Variants in KLHL32 observed in about 807,000 individuals in gnomAD.
KLHL32 encodes kelch-like protein 32.
In KLHL32, 35 loss-of-function variants were observed where a neutral mutation model predicts 64.8. The observed-to-expected ratio is 0.54, with a 90% CI of 0.41 to 0.72. The LOEUF (loss-of-function observed/expected upper bound fraction) is 0.72. Among genes scored for constraint, KLHL32 ranks in the 30% least tolerant of loss-of-function variants. The pLI is 0.00. For synonymous variants in KLHL32, 259 were observed against 281.0 expected (o/e 0.92, Z 0.78); for missense variants, 589 against 768.5 (o/e 0.77, Z 2.76).
chr6:97,016,844 A>G (rs934250182), intron 3 of KLHL32, among the ~76,000 whole-genome samples: 2 of 152,164 alleles, frequency 1.3e-5, no homozygotes, highest in Admixed American at 6.5e-5. Context: ...TGATGTTCTC[A>G]TGATAATGAG....
intron 1 of KLHL32, among the ~76,000 whole-genome samples, chr6:96,959,794 T>C (rs1317319908): frequency 4.6e-5 from 7 of 152,198 alleles, no homozygotes; most frequent in Non-Finnish European, 1.0e-4. Flanking sequence ...TTGAATCATC[T>C]TCAGAACAAT....
At chr6:97,040,786 C>T (rs1316954911) in intron 3 of KLHL32, among the ~76,000 whole-genome samples, 1 of 152,196 alleles carries the variant, frequency 6.6e-6, no homozygotes, top group Admixed American at 6.5e-5. Context: ...TTCCCCCATG[C>T]TGTTCTCATG....
At chr6:96,934,441 G>C (rs2206567) in intron 1 of KLHL32, among the ~76,000 whole-genome samples, 108,935 of 151,752 alleles carry the variant, frequency 0.72, 39,256 homozygotes, top group South Asian at 0.78. Flanking sequence ...TCTTGTCATT[G>C]ACACTTAACA....
intron 5 of KLHL32, among the ~76,000 whole-genome samples, chr6:97,070,737 C>A (rs773818592): frequency 1.2e-4 from 18 of 152,128 alleles, no homozygotes; most frequent in Admixed American, 1.0e-3. Context: ...AAATCACTTT[C>A]AGTATGCATT....
In KLHL32 at chr6:97,041,546, G is replaced by T; in HGVS notation, c.259G>T (p.Gly87Cys). 1 of 1,613,854 alleles carries T rather than the reference G, an allele frequency of 6.2e-7. No homozygotes were observed. Among genetic ancestry groups the T allele is most frequent in the Non-Finnish European group, 8.5e-7 (1 of 1,179,824 alleles). Reference protein sequence around the residue: ...ESGADEVNLHGVTSLGLKQAL... With the variant: ...ESGADEVNLHCVTSLGLKQAL... ...TGGAGCTGATGAGGTTAATTTGCAC[G>T]GTGTGACCAGCCTTGGCTTAAAGCA... Residue 87 changes from glycine to cysteine, a missense_variant, in exon 4 of 11, where the codon GGT (glycine) becomes TGT (cysteine). This residue lies in a region of KLHL32 where 191 missense variants were observed against 223.3 expected (regional missense o/e 0.86). Coordinates refer to ENST00000369261, the MANE Select transcript of KLHL32 (RefSeq NM_052904.4).
At chr6:97,007,445 T>C (rs1157894734) in intron 3 of KLHL32, among the ~76,000 whole-genome samples, 34 of 152,224 alleles carry the variant, frequency 2.2e-4, no homozygotes, top group Admixed American at 2.2e-3. Context: ...TGAATATGGA[T>C]GATCTTTGTT....
chr6:97,052,175 A>G (rs1787025821), intron 4 of KLHL32, among the ~76,000 whole-genome samples: 1 of 152,222 alleles, frequency 6.6e-6, no homozygotes, highest in South Asian at 2.1e-4. Context: ...ATGCTGGGGT[A>G]CAACCCTTCC....
At chr6:97,072,993 A>T (rs376467895) in intron 5 of KLHL32, among the ~76,000 whole-genome samples, 1 of 152,168 alleles carries the variant, frequency 6.6e-6, no homozygotes, top group Non-Finnish European at 1.5e-5. Flanking sequence ...CCTTTTAGGG[A>T]TGTTGAAGGA....
chr6:96,966,880 A>G (rs11753834), intron 1 of KLHL32, 116 bp from the exon 2 acceptor site: 109,444 of 564,886 alleles, frequency 0.19, 12,380 homozygotes, highest in African/African-American at 0.37. Flanking sequence ...TTATGTGGAC[A>G]GTAAAGCTCT....
chr6:96,954,306 C>A (rs1772988200), intron 1 of KLHL32, among the ~76,000 whole-genome samples: 1 of 133,424 alleles, frequency 7.5e-6, no homozygotes, highest in East Asian at 2.1e-4. Flanking sequence ...AGTTTTCTTT[C>A]CTTCAATTTT....
Position 97,124,545 on chromosome 6 carries a change from A to G in KLHL32, c.1355-2859A>G, listed in dbSNP as rs536081218. On this transcript the variant is annotated intron_variant, in intron 7 of 10. Coordinates refer to ENST00000369261, the MANE Select transcript of KLHL32 (RefSeq NM_052904.4). ...AATCCATTGGTTGTATGTTTAATCT[A>G]TAATGGGCAGAGTCTGATACATACA... is the stretch of plus-strand genomic sequence containing the variant. 1.1e-4 allele frequency among the ~76,000 whole-genome samples: 16 copies of G among 152,330 alleles called. No individual in the cohort carries two copies. The South Asian group carries it at 3.3e-3, about 32-fold the overall frequency.
rs181622257 is a variant in KLHL32, at chr6:96,986,216, G to T, written c.204+10039G>T. ...TTGGTGAACAGCAGATGTTGCTGCC[G>T]GATCGTTCCTCTGGAATTTTTGTCT... On this transcript the variant is annotated intron_variant, in intron 3 of 10. Coordinates refer to ENST00000369261, the MANE Select transcript of KLHL32 (RefSeq NM_052904.4). Among the ~76,000 whole-genome samples the T allele has an allele frequency of 8.2e-3, 1,247 of 152,232 alleles. 6 individuals carry two copies. The highest frequency in any genetic ancestry group is 0.012 in the Non-Finnish European group (827 of 68,006).
chr6:97,139,084 C>T (rs570671549), intron 10 of KLHL32, 37 bp from the exon 11 acceptor site: 6 of 1,580,882 alleles, frequency 3.8e-6, no homozygotes, highest in Non-Finnish European at 5.1e-6. Context: ...GAGCAGTCAT[C>T]TTTGATACAC....
chr6:97,134,824 C>T (rs750277275), intron 10 of KLHL32, among the ~76,000 whole-genome samples: 1 of 151,988 alleles, frequency 6.6e-6, no homozygotes, highest in African/African-American at 2.4e-5. Context: ...TGTTAACAGT[C>T]GTGAATGTTA....
intron 3 of KLHL32, among the ~76,000 whole-genome samples, chr6:96,983,698 G>A (rs577493963): frequency 4.6e-5 from 7 of 152,278 alleles, no homozygotes; most frequent in African/African-American, 1.7e-4. Flanking sequence ...TCTGATGGTA[G>A]TTTGTATTTC....
intron 3 of KLHL32, among the ~76,000 whole-genome samples, chr6:97,040,900 C>T (rs1009853835): frequency 2.0e-5 from 3 of 152,304 alleles, no homozygotes; most frequent in Non-Finnish European, 2.9e-5. Context: ...TGCCTTGCTT[C>T]GCCTTCACCT....
In KLHL32 at chr6:96,938,234, G is replaced by A. The variant is rs568265472; in HGVS notation, c.-66+13208G>A. Among the ~76,000 whole-genome samples the A allele has an allele frequency of 1.4e-4, 21 of 152,258 alleles. 1 individual carries two copies. In the South Asian group the frequency reaches 3.9e-3, roughly 29 times the overall value. On this transcript the variant is annotated intron_variant, in intron 1 of 10. Transcript: ENST00000369261. ...TTACCAAGGGTGTCTCTGGCCACCA[G>A]AGTAGTGAAGTTATAGTTACAAGAT... is the stretch of plus-strand genomic sequence containing the variant.
intron 5 of KLHL32, among the ~76,000 whole-genome samples, chr6:97,078,672 TCTCAGAACTA>T (rs1288479797): frequency 6.6e-6 from 1 of 152,192 alleles, no homozygotes; most frequent in Non-Finnish European, 1.5e-5. Flanking sequence ...TCAGTGGCAT[TCTCAGAACTA>T]GATGAGACAG....
Position 97,103,799 on chromosome 6 carries a change from A to T in KLHL32, c.628-9984A>T, listed in dbSNP as rs564969011. ...AATGTCACCTTGTTTTTCTGAAAAG[A>T]GATTTATCAAAACTCTCTGTGCTAC... On this transcript the variant is annotated intron_variant, in intron 6 of 10. Transcript: ENST00000369261. Among the ~76,000 whole-genome samples the T allele has an allele frequency of 2.0e-5, 3 of 152,306 alleles. No homozygotes were observed. The South Asian group carries it at 6.2e-4, about 32-fold the overall frequency.
Sources: allele counts gnomAD v4.1 joint callset (sites outside exome capture counted in the v4.1 genomes callset), GRCh38; gene constraint gnomAD v4.1.1; regional missense constraint gnomAD v4.1.1; transcripts MANE v1.5; gene names NCBI Gene and HGNC (gene_info 2026-07-23, HGNC 2026-07-21).